Variants in CFAP418 observed in about 807,000 individuals in gnomAD.
The protein encoded by CFAP418 is cilia- and flagella-associated protein 418.
CFAP418 carries 27 observed loss-of-function variants against 24.7 expected under a neutral mutation model. That is an observed-to-expected ratio of 1.09 (90% confidence interval 0.81 to 1.51). The LOEUF is 1.51. CFAP418 is among the 40% of genes most tolerant of loss of function. CFAP418 has a pLI of 0.00. For synonymous variants in CFAP418, 74 were observed against 87.3 expected, an observed-to-expected ratio of 0.85 and a Z score of 0.85; for missense variants, 257 against 255.2, an observed-to-expected ratio of 1.01 and a Z score of -0.05.
At position 95,247,480 on chromosome 8, in the gene CFAP418, G is replaced by A. The variant is rs780014252; in HGVS notation, c.*137C>T. On this transcript the variant is annotated 3_prime_UTR_variant, in exon 6 of 6. Transcript: ENST00000286688. The stretch of plus-strand genomic sequence containing the variant: ...CTTAGTCCATTTGGTCTTCAAAAAT[G>A]TATGTAGTTGTATCAATAAAATTCA... 6.0e-5 allele frequency: 55 copies of A among 923,194 alleles called. No individual in the cohort carries two copies. The highest frequency in any genetic ancestry group is 5.7e-5 in the Non-Finnish European group (35 of 609,704). The allele number at this position is 923,194 out of a possible 1,614,324, so 57.2% of individuals were successfully genotyped here. A position where few individuals can be genotyped will look rare whatever the true frequency, so the allele number is the denominator to read the frequency against.
At chr8:95,258,381 C>CAAAAAAAAAA (rs61473559) in intron 4 of CFAP418, among the ~76,000 whole-genome samples, 1 of 49,656 alleles carries the variant, frequency 2.0e-5, no homozygotes, top group Non-Finnish European at 4.0e-5. Flanking sequence ...GACTCTGTCT[C>CAAAAAAAAAA]AAAAAAAAAA....
intron 5 of CFAP418, among the ~76,000 whole-genome samples, chr8:95,251,549 G>C (rs978826118): frequency 6.6e-6 from 1 of 152,158 alleles, no homozygotes; most frequent in Non-Finnish European, 1.5e-5. Flanking sequence ...GTGGAAGGGT[G>C]TTGAGCAGGA....
At chr8:95,260,441 T>A in intron 3 of CFAP418, 27 bp downstream of exon 3, 1 of 1,524,548 alleles carries the variant, frequency 6.6e-7, no homozygotes, top group African/African-American at 1.4e-5. Flanking sequence ...ATAGTGTGTA[T>A]AATTCACCAA....
intron 4 of CFAP418, among the ~76,000 whole-genome samples, chr8:95,255,221 A>C (rs747899159): frequency 6.6e-6 from 1 of 152,190 alleles, no homozygotes; most frequent in Non-Finnish European, 1.5e-5. Flanking sequence ...AAAGGATTAC[A>C]GGACCCTAAG....
intron 1 of CFAP418, among the ~76,000 whole-genome samples, chr8:95,268,468 C>T: frequency 6.6e-6 from 1 of 151,964 alleles, no homozygotes; most frequent in Non-Finnish European, 1.5e-5. Flanking sequence ...GAGCGAGACT[C>T]CATCTCAAAA....
At chr8:95,257,733 G>C (rs912495104) in intron 4 of CFAP418, among the ~76,000 whole-genome samples, 2 of 152,120 alleles carry the variant, frequency 1.3e-5, no homozygotes, top group Non-Finnish European at 2.9e-5. Context: ...TTGTATAAAA[G>C]TAGTGCATAC....
Position 95,269,050 on chromosome 8 carries a change from G to C in CFAP418, c.140C>G (p.Ala47Gly). 6.2e-7 allele frequency: 1 copy of C among 1,614,054 alleles called. No homozygotes were observed. Among genetic ancestry groups the C allele is most frequent in the Non-Finnish European group, 8.5e-7 (1 of 1,179,940 alleles). Residue 47 changes from alanine (A) to glycine (G), a missense_variant, in exon 1 of 6, where the codon GCG (alanine) becomes GGG (glycine). Ala to Gly is a moderately conservative substitution (Grantham distance 60). Coordinates refer to ENST00000286688, the MANE Select transcript of CFAP418 (RefSeq NM_177965.4). ...CCCGGTTAACCTGAGCGTCTCTTTC[G>C]CCTTGGCTTGGTTCCGGTCGCTACT... ...THSSDRNQAK[A>G]KETLRSTETF...
intron 1 of CFAP418, among the ~76,000 whole-genome samples, chr8:95,265,192 C>G (rs1360271672): frequency 6.6e-6 from 1 of 152,036 alleles, no homozygotes; most frequent in Non-Finnish European, 1.5e-5. Context: ...CCACTAGATG[C>G]TATTAAATAA....
chr8:95,260,525 T>A lies in CFAP418; in HGVS notation c.251A>T (p.Lys84Ile), dbSNP rs1811870016. 1 of 1,580,068 alleles carries A rather than the reference T, an allele frequency of 6.3e-7. No individual in the cohort carries two copies. Among genetic ancestry groups the A allele is most frequent in the Admixed American group, 2.0e-5 (1 of 50,828 alleles). The change falls in exon 3 of 6, where the codon AAA (lysine) becomes ATA (isoleucine). Residue 84 changes from lysine to isoleucine, a missense_variant. Physicochemically the swap from Lys to Ile is moderately radical, Grantham distance 102 (BLOSUM62 -3). Transcript: ENST00000286688. ...AGATGTGTTACCTGAAGATTTAGATTTTAATTTCTGTTAAAAAAGCAAAAC... is the reference window on the plus strand; with the variant it reads ...AGATGTGTTACCTGAAGATTTAGATATTAATTTCTGTTAAAAAAGCAAAAC... Reference protein sequence around the residue: ...PNLDKKPSKLKSKSSGNTSVR... With the variant: ...PNLDKKPSKLISKSSGNTSVR...
intron 5 of CFAP418, among the ~76,000 whole-genome samples, chr8:95,248,022 T>G (rs1173683574): frequency 6.6e-6 from 1 of 152,044 alleles, no homozygotes; most frequent in East Asian, 1.9e-4. Flanking sequence ...AATTTTTTTT[T>G]GTAGAGATGA....
At chr8:95,267,159 G>A (rs1337126502) in intron 1 of CFAP418, among the ~76,000 whole-genome samples, 1 of 152,224 alleles carries the variant, frequency 6.6e-6, no homozygotes, top group African/African-American at 2.4e-5. Context: ...CCAGCCAAAT[G>A]AGTGTTAGCC....
chr8:95,252,307 T>C (rs781636003), intron 4 of CFAP418, 24 bp from the exon 5 acceptor site: 7 of 1,459,998 alleles, frequency 4.8e-6, no homozygotes, highest in African/African-American at 1.4e-5. Context: ...AAAAATTGTA[T>C]ATTAAAGATT....
At chr8:95,249,287 G>A (rs1208390689) in intron 5 of CFAP418, among the ~76,000 whole-genome samples, 1 of 152,248 alleles carries the variant, frequency 6.6e-6, no homozygotes, top group African/African-American at 2.4e-5. Context: ...AAGAAAACAC[G>A]ATTTAATAGA....
intron 1 of CFAP418, 78 bp downstream of exon 1, chr8:95,268,957 G>T: frequency 6.7e-7 from 1 of 1,491,500 alleles, no homozygotes; most frequent in Non-Finnish European, 9.1e-7. Flanking sequence ...GTTTCTTTTG[G>T]GTTGGGCGGC....
At position 95,247,552 on chromosome 8, in the gene CFAP418, A is replaced by T; in HGVS notation, c.*65T>A. On this transcript the variant is annotated 3_prime_UTR_variant, in exon 6 of 6. Coordinates refer to ENST00000286688, the MANE Select transcript of CFAP418 (RefSeq NM_177965.4). ...GGTATTGCTAGGGACTATTGTCTAAACATGATGATGATTCATGGAGACCAC... is the reference window on the plus strand; with the variant it reads ...GGTATTGCTAGGGACTATTGTCTAATCATGATGATGATTCATGGAGACCAC... 6.3e-7 allele frequency: 1 copy of T among 1,584,408 alleles called. No individual in the cohort carries two copies. Among genetic ancestry groups the T allele is most frequent in the South Asian group, 1.1e-5 (1 of 90,130 alleles).
Position 95,269,184 on chromosome 8 carries a change from C to T in CFAP418, c.6G>A (p.Ala2=), listed in dbSNP as rs1479264742. 1.9e-6 allele frequency: 3 copies of T among 1,614,108 alleles called. No homozygotes were observed. Among genetic ancestry groups the T allele is most frequent in the South Asian group, 1.1e-5 (1 of 91,074 alleles). Residue 2 remains alanine, a synonymous_variant, in exon 1 of 6, where the codon GCG becomes GCA. Coordinates refer to ENST00000286688, the MANE Select transcript of CFAP418 (RefSeq NM_177965.4). ...CATCCAAGAGCTCGTCCAGGTCCTC[C>T]GCCATCTTGAATCGCCTGGCCTTTT... M[A]EDLDELLDEV...
chr8:95,257,120 T>C (rs1563472199), intron 4 of CFAP418, among the ~76,000 whole-genome samples: 1 of 152,188 alleles, frequency 6.6e-6, no homozygotes, highest in Non-Finnish European at 1.5e-5. Flanking sequence ...GGATGATAAC[T>C]GGGAAACTGC....
Position 95,247,493 on chromosome 8 carries a change from T to C in CFAP418, c.*124A>G. 1 of 1,048,648 alleles carries C rather than the reference T, an allele frequency of 9.5e-7. No homozygotes were observed. The highest frequency in any genetic ancestry group is 1.4e-6 in the Non-Finnish European group (1 of 708,498). The allele number at this position is 1,048,648 out of a possible 1,614,324, so 65.0% of individuals were successfully genotyped here. On this transcript the variant is annotated 3_prime_UTR_variant, in exon 6 of 6. Transcript: ENST00000286688. ...GTCTTCAAAAATGTATGTAGTTGTA[T>C]CAATAAAATTCACTGCCTTTTCCCA...
At chr8:95,261,905 A>G (rs1811899590) in intron 2 of CFAP418, among the ~76,000 whole-genome samples, 1 of 152,246 alleles carries the variant, frequency 6.6e-6, no homozygotes. Context: ...GAAGAGCAAC[A>G]AAATGATGTA....
Sources: allele counts gnomAD v4.1 joint callset (sites outside exome capture counted in the v4.1 genomes callset), GRCh38; gene constraint gnomAD v4.1.1; transcripts MANE v1.5; gene names NCBI Gene and HGNC (gene_info 2026-07-23, HGNC 2026-07-21).